DLGAP1: variants seen among roughly 807,000 people sequenced by gnomAD.
DLGAP1 encodes the protein DLG associated protein 1.
A neutral mutation model predicts 90.8 loss-of-function variants in DLGAP1; 11 were observed. The ratio of observed to expected loss-of-function variants is 0.12; its 90% CI spans 0.08 to 0.20. The LOEUF is 0.20. Among genes scored for constraint, DLGAP1 ranks in the 10% least tolerant of loss-of-function variants. The probability of loss-of-function intolerance (pLI) is 1.00; values close to 1 mark genes in which losing one functional copy is unlikely to be tolerated. For missense variants in DLGAP1, 1,050 were observed against 1,333.8 expected (o/e 0.79, Z 3.31); for synonymous variants, 558 against 540.7 (o/e 1.03, Z -0.44).
chr18:4,232,126 T>C (rs1482385415), intron 1 of DLGAP1, among the ~76,000 whole-genome samples: 2 of 152,152 alleles, frequency 1.3e-5, no homozygotes, highest in African/African-American at 4.8e-5. Context: ...CTATTAATTT[T>C]ACAAAGAGAA....
In DLGAP1 at chr18:3,771,812, G is replaced by C. The variant is rs187573482; in HGVS notation, c.1173-29300C>G. Among the ~76,000 whole-genome samples, 24 of 151,154 alleles carry C rather than the reference G, an allele frequency of 1.6e-4. No homozygotes were observed. In the South Asian group the frequency reaches 3.8e-3, roughly 24 times the overall value. The stretch of plus-strand genomic sequence containing the variant: ...TGGCAGAGCTGACGCTGTAACTGAG[G>C]TCTACTAACTGCCTGCCCTAGCTCT... On this transcript the variant is annotated intron_variant, in intron 5 of 12. Transcript: ENST00000315677.
At chr18:4,293,437 T>G (rs1240697253) in intron 1 of DLGAP1, 1 of 152,232 alleles carries the variant, frequency 6.6e-6, no homozygotes, top group East Asian at 1.9e-4. Flanking sequence ...ACATTGCTTT[T>G]TGCAAAATCA....
chr18:3,784,543 A>G (rs2065355141), intron 5 of DLGAP1, among the ~76,000 whole-genome samples: 1 of 152,096 alleles, frequency 6.6e-6, no homozygotes, highest in African/African-American at 2.4e-5. Flanking sequence ...TTTTCTCCCA[A>G]TCAACGGCAA....
chr18:3,920,865 T>A (rs937558252), intron 3 of DLGAP1, among the ~76,000 whole-genome samples: 2 of 152,270 alleles, frequency 1.3e-5, no homozygotes, highest in African/African-American at 4.8e-5. Flanking sequence ...AGGAATTTTA[T>A]GAGTTTTTAT....
chr18:4,199,041 A>G (rs1014479707), intron 1 of DLGAP1, among the ~76,000 whole-genome samples: 1 of 152,216 alleles, frequency 6.6e-6, no homozygotes, highest in African/African-American at 2.4e-5. Context: ...GTGGTTTTAC[A>G]AGAAGGAGCC....
intron 11 of DLGAP1, among the ~76,000 whole-genome samples, 200 bp from the exon 12 acceptor site, chr18:3,502,845 T>G (rs752513663): frequency 6.6e-6 from 1 of 152,204 alleles, no homozygotes; most frequent in African/African-American, 2.4e-5. Context: ...AATGTCAAGG[T>G]TGTAAAACTC....
At chr18:3,555,909 T>C (rs1242240572) in intron 9 of DLGAP1, among the ~76,000 whole-genome samples, 1 of 152,152 alleles carries the variant, frequency 6.6e-6, no homozygotes, top group Non-Finnish European at 1.5e-5. Flanking sequence ...GGAGACGACT[T>C]TCTCCTCCTT....
intron 10 of DLGAP1, among the ~76,000 whole-genome samples, chr18:3,532,491 T>C (rs1054472959): frequency 6.7e-6 from 1 of 149,852 alleles, no homozygotes; most frequent in Non-Finnish European, 1.5e-5. Flanking sequence ...GGCAGGAGAA[T>C]CACTTGAACC....
intron 3 of DLGAP1, among the ~76,000 whole-genome samples, chr18:3,928,037 A>G (rs1284947056): frequency 6.6e-6 from 1 of 152,106 alleles, no homozygotes; most frequent in East Asian, 1.9e-4. Flanking sequence ...TCACCCCACC[A>G]TTTGTGGTTT....
Position 3,674,296 on chromosome 18 carries a change from A to ATATAT in DLGAP1, c.1591+54838_1591+54839insATATA, listed in dbSNP as rs1555623972. Among the ~76,000 whole-genome samples, 101 of 128,980 alleles carry ATATAT rather than the reference A, an allele frequency of 7.8e-4. 3 individuals are homozygous for ATATAT. The highest frequency in any genetic ancestry group is 5.9e-3 in the East Asian group (28 of 4,720). 84.6% of individuals were successfully genotyped at this position (128,980 alleles called of 152,430 possible). ...TGAGATCTTGTCTCTATAATATTAA[A>ATATAT]ATATATATATATATATGTATATTTT... is the stretch of plus-strand genomic sequence containing the variant. On this transcript the variant is annotated intron_variant, in intron 7 of 12. Transcript: ENST00000315677.
At chr18:4,358,631 C>G (rs917954317) in intron 1 of DLGAP1, among the ~76,000 whole-genome samples, 5 of 152,156 alleles carry the variant, frequency 3.3e-5, no homozygotes, top group Admixed American at 6.5e-5. Context: ...GAAGGGAAAC[C>G]TAGGGCCTCC....
intron 2 of DLGAP1, among the ~76,000 whole-genome samples, chr18:4,135,275 G>A (rs2076381479): frequency 6.6e-6 from 1 of 152,006 alleles, no homozygotes; most frequent in Non-Finnish European, 1.5e-5. Flanking sequence ...GAAGAGGGGG[G>A]AGCAGATGAA....
At chr18:3,743,194 G>A (rs2063130049) in intron 5 of DLGAP1, among the ~76,000 whole-genome samples, 1 of 152,054 alleles carries the variant, frequency 6.6e-6, no homozygotes, top group Admixed American at 6.6e-5. Context: ...CTATACAGAT[G>A]TGCACAAAGT....
rs776707431 is a variant in DLGAP1, at chr18:3,749,148, C to CTT, written c.1173-6638_1173-6637dup. 4.0e-3 allele frequency among the ~76,000 whole-genome samples: 480 copies of CTT among 120,640 alleles called. 7 individuals carry two copies. The highest frequency in any genetic ancestry group is 0.011 in the African/African-American group (335 of 31,200). 79.1% of individuals were successfully genotyped at this position (120,640 alleles called of 152,430 possible). A position where few individuals can be genotyped will look rare whatever the true frequency, so the allele number is the denominator to read the frequency against. On this transcript the variant is annotated intron_variant, in intron 5 of 12. Transcript: ENST00000315677. Reference sequence around the variant, plus strand: ...CTTCCTCCTCCTCCTTCTTCTTCTTCTTTTTTTTTTTTTTTTTTTTTGACA... The same window carrying CTT: ...CTTCCTCCTCCTCCTTCTTCTTCTTCTTTTTTTTTTTTTTTTTTTTTTTGACA...
At chr18:4,059,652 G>A (rs926675406) in intron 2 of DLGAP1, among the ~76,000 whole-genome samples, 1 of 152,038 alleles carries the variant, frequency 6.6e-6, no homozygotes, top group Non-Finnish European at 1.5e-5. Flanking sequence ...TGGAGGTTAT[G>A]GTGAGCCAAG....
chr18:4,135,860 ATTCTTC>A lies in DLGAP1; in HGVS notation c.-159+15314_-159+15319del, dbSNP rs561521868. On this transcript the variant is annotated intron_variant, in intron 2 of 12. Coordinates refer to ENST00000315677, the MANE Select transcript of DLGAP1 (RefSeq NM_004746.4). Reference sequence around the variant, plus strand: ...ACCTACCACATTTTCTTTTATTATTATTCTTCTTATTATTTTTTATTATTATACTTT... The same window carrying A: ...ACCTACCACATTTTCTTTTATTATTATTATTATTTTTTATTATTATACTTT... 4.5e-3 allele frequency among the ~76,000 whole-genome samples: 545 copies of A among 120,090 alleles called. 3 individuals are homozygous for A. The highest frequency in any genetic ancestry group is 0.017 in the African/African-American group (509 of 29,988). The allele number at this position is 120,090 out of a possible 152,430, so 78.8% of individuals were successfully genotyped here.
rs117931309 is a variant in DLGAP1, at chr18:4,389,798, C to T, written c.-267+65208G>A. Among the ~76,000 whole-genome samples, 1,252 of 152,234 alleles carry T rather than the reference C, an allele frequency of 8.2e-3. 3 individuals are homozygous for T. Among genetic ancestry groups the T allele is most frequent in the Non-Finnish European group, 0.014 (941 of 68,006 alleles). Reference sequence around the variant, plus strand: ...CATTATTCTGTTATATTCTGTGTCACGAGTTTGCTGTTGGCACACAATGAC... The same window carrying T: ...CATTATTCTGTTATATTCTGTGTCATGAGTTTGCTGTTGGCACACAATGAC... On this transcript the variant is annotated intron_variant, in intron 1 of 12. Coordinates refer to ENST00000315677, the MANE Select transcript of DLGAP1 (RefSeq NM_004746.4).
chr18:4,190,539 T>C (rs1057217866), intron 1 of DLGAP1, among the ~76,000 whole-genome samples: 8 of 152,130 alleles, frequency 5.3e-5, no homozygotes, highest in Admixed American at 2.6e-4. Flanking sequence ...TGAATATTTA[T>C]GTATTAATAT....
chr18:3,691,598 T>A (rs1288577068), intron 7 of DLGAP1, among the ~76,000 whole-genome samples: 1 of 152,030 alleles, frequency 6.6e-6, no homozygotes, highest in African/African-American at 2.4e-5. Context: ...TCCTTTATAA[T>A]TCCACCAAAC....
Sources: allele counts gnomAD v4.1 joint callset (sites outside exome capture counted in the v4.1 genomes callset), GRCh38; gene constraint gnomAD v4.1.1; transcripts MANE v1.5; gene names NCBI Gene and HGNC (gene_info 2026-07-23, HGNC 2026-07-21).